BMPR1B: variants seen among roughly 807,000 people sequenced by gnomAD.
BMPR1B encodes bone morphogenetic protein receptor type 1B.
Under a neutral mutation model 59.1 loss-of-function variants are expected in BMPR1B, and 12 were observed. The observed-to-expected ratio is 0.20, with a 90% confidence interval of 0.13 to 0.33. The LOEUF (loss-of-function observed/expected upper bound fraction) is 0.33, where lower values mean the gene tolerates loss of function less well. BMPR1B is among the 10% of genes least tolerant of loss of function. The probability of loss-of-function intolerance (pLI) is 1.00; values close to 1 mark genes in which losing one functional copy is unlikely to be tolerated. For missense variants in BMPR1B, 550 were observed against 610.9 expected (o/e 0.90, Z 1.05); for synonymous variants, 237 against 207.3 (o/e 1.14, Z -1.23).
chr4:95,011,905 A>C (rs1723251193), intron 3 of BMPR1B, among the ~76,000 whole-genome samples: 1 of 151,888 alleles, frequency 6.6e-6, no homozygotes, highest in Non-Finnish European at 1.5e-5. Context: ...TGTCTTCTGA[A>C]CTACTTGGGA....
chr4:94,991,750 T>C (rs1408805520), intron 2 of BMPR1B, among the ~76,000 whole-genome samples: 2 of 152,162 alleles, frequency 1.3e-5, no homozygotes, highest in Admixed American at 1.3e-4. Context: ...AAAAGGACTT[T>C]AGCTTTTACT....
At chr4:95,056,722 G>C (rs2149197701) in intron 3 of BMPR1B, among the ~76,000 whole-genome samples, 1 of 152,192 alleles carries the variant, frequency 6.6e-6, no homozygotes, top group South Asian at 2.1e-4. Flanking sequence ...ATATCAGCTG[G>C]CTCCTGACTC....
intron 8 of BMPR1B, among the ~76,000 whole-genome samples, chr4:95,125,452 T>G (rs1732839780): frequency 6.6e-6 from 1 of 152,170 alleles, no homozygotes; most frequent in African/African-American, 2.4e-5. Context: ...TTTTGAAGGC[T>G]AAAGTATTAC....
chr4:94,864,360 G>C (rs10018997), intron 1 of BMPR1B, among the ~76,000 whole-genome samples: 72,757 of 151,860 alleles, frequency 0.48, 19,476 homozygotes, highest in African/African-American at 0.73. Flanking sequence ...TTAAAAAAAC[G>C]CCAAGCTCCA....
At chr4:94,935,535 A>G (rs1411274374) in intron 2 of BMPR1B, among the ~76,000 whole-genome samples, 3 of 152,218 alleles carry the variant, frequency 2.0e-5, no homozygotes, top group Non-Finnish European at 4.4e-5. Context: ...GTAATGAAAG[A>G]AAATCAAGAC....
At chr4:94,871,018 G>A (rs1726467652) in intron 1 of BMPR1B, among the ~76,000 whole-genome samples, 1 of 151,950 alleles carries the variant, frequency 6.6e-6, no homozygotes, top group African/African-American at 2.4e-5. Flanking sequence ...GGGGTAAGAG[G>A]TACTTTGTTA....
chr4:94,908,781 A>G (rs1207492820), intron 2 of BMPR1B, among the ~76,000 whole-genome samples: 2 of 152,004 alleles, frequency 1.3e-5, no homozygotes, highest in African/African-American at 4.8e-5. Flanking sequence ...CTCTTTAAAA[A>G]CATTATAAAA....
chr4:94,780,682 C>CTTTTTTT (rs869117575), intron 1 of BMPR1B, among the ~76,000 whole-genome samples: 2 of 82,342 alleles, frequency 2.4e-5, no homozygotes, highest in Non-Finnish European at 4.4e-5. Flanking sequence ...GTATTATTGT[C>CTTTTTTT]TTTTTTTTTT....
At chr4:95,041,860 C>CTT (rs199591225) in intron 3 of BMPR1B, among the ~76,000 whole-genome samples, 2 of 146,562 alleles carry the variant, frequency 1.4e-5, no homozygotes, top group Non-Finnish European at 1.5e-5. Flanking sequence ...AAATCCAAAA[C>CTT]TTTTTTTTTT....
chr4:94,764,774 T>C (rs1378406634), intron 1 of BMPR1B, among the ~76,000 whole-genome samples: 1 of 152,302 alleles, frequency 6.6e-6, no homozygotes, highest in Non-Finnish European at 1.5e-5. Context: ...CTTCTATCCA[T>C]GTGCTTTGTT....
At chr4:95,032,524 C>G (rs754181559) in intron 3 of BMPR1B, among the ~76,000 whole-genome samples, 1 of 152,118 alleles carries the variant, frequency 6.6e-6, no homozygotes, top group Non-Finnish European at 1.5e-5. Context: ...ACAACTACTT[C>G]CTATTTTCCC....
intron 10 of BMPR1B, among the ~76,000 whole-genome samples, chr4:95,135,812 G>A (rs556344228): frequency 5.3e-4 from 80 of 152,174 alleles, no homozygotes; most frequent in Non-Finnish European, 1.1e-3. Flanking sequence ...CTGCAAACAG[G>A]GACAATTTAA....
intron 3 of BMPR1B, among the ~76,000 whole-genome samples, chr4:95,029,733 A>G (rs188375733): frequency 1.3e-5 from 2 of 152,288 alleles, no homozygotes; most frequent in East Asian, 3.9e-4. Flanking sequence ...TCCCACCAAC[A>G]GTGTAAAAGT....
chr4:94,817,732 G>T (rs1480467724), intron 1 of BMPR1B, among the ~76,000 whole-genome samples: 1 of 152,166 alleles, frequency 6.6e-6, no homozygotes, highest in Non-Finnish European at 1.5e-5. Flanking sequence ...CTATGCTTCA[G>T]GGTCAGGGTG....
At chr4:95,096,824 T>A (rs1202094343) in intron 3 of BMPR1B, among the ~76,000 whole-genome samples, 2 of 140,298 alleles carry the variant, frequency 1.4e-5, no homozygotes, top group East Asian at 4.0e-4. Flanking sequence ...ATAAATATAT[T>A]TATATTTATA....
chr4:95,124,937 C>T (rs1395933217), intron 7 of BMPR1B, 46 bp from the exon 8 acceptor site: 6 of 1,555,870 alleles, frequency 3.9e-6, no homozygotes, highest in Non-Finnish European at 5.3e-6. Flanking sequence ...TTTACTCCAT[C>T]ATTGCATTTC....
chr4:95,038,099 A>C (rs1052696011), intron 3 of BMPR1B, among the ~76,000 whole-genome samples: 1 of 152,198 alleles, frequency 6.6e-6, no homozygotes, highest in Admixed American at 6.5e-5. Flanking sequence ...TTTCAATGAG[A>C]AGGCAAGAAT....
intron 1 of BMPR1B, among the ~76,000 whole-genome samples, chr4:94,857,517 T>C (rs1269049683): frequency 6.6e-6 from 1 of 152,170 alleles, no homozygotes; most frequent in African/African-American, 2.4e-5. Flanking sequence ...TTTAAAAAAT[T>C]TTAGTTTACA....
At chr4:94,980,640 G>A (rs1475755364) in intron 2 of BMPR1B, among the ~76,000 whole-genome samples, 2 of 152,100 alleles carry the variant, frequency 1.3e-5, no homozygotes, top group African/African-American at 4.8e-5. Flanking sequence ...GTGAGGTAAT[G>A]GTGTCCTGTC....
Sources: allele counts gnomAD v4.1 joint callset (sites outside exome capture counted in the v4.1 genomes callset), GRCh38; gene constraint gnomAD v4.1.1; transcripts MANE v1.5; gene names NCBI Gene and HGNC (gene_info 2026-07-23, HGNC 2026-07-21).